The following SARDH variants were observed in gnomAD, a reference collection of about 807,000 sequenced individuals.
SARDH encodes the protein sarcosine dehydrogenase, mitochondrial.
Under a neutral mutation model 109.1 loss-of-function variants are expected in SARDH, and 95 were observed. The ratio of observed to expected loss-of-function variants is 0.87; its 90% CI spans 0.74 to 1.03. The LOEUF (loss-of-function observed/expected upper bound fraction) is 1.03. SARDH is among the 50% of genes least tolerant of loss of function. SARDH has a pLI of 0.00. For synonymous variants in SARDH, 572 were observed against 534.8 expected, an observed-to-expected ratio of 1.07 and a Z score of -0.96; for missense variants, 1,267 against 1,287.8, an observed-to-expected ratio of 0.98 and a Z score of 0.25.
At chr9:133,700,916 G>GA (rs1831461232) in intron 13 of SARDH, among the ~76,000 whole-genome samples, 1 of 152,096 alleles carries the variant, frequency 6.6e-6, no homozygotes, top group African/African-American at 2.4e-5. Flanking sequence ...GTTGTTACAG[G>GA]AAAAAAATAA....
intron 16 of SARDH, among the ~76,000 whole-genome samples, chr9:133,685,974 T>C (rs189773184): frequency 1.3e-5 from 2 of 152,042 alleles, no homozygotes; most frequent in East Asian, 3.9e-4. Context: ...TTGGAGGAGG[T>C]AGAGAGCTGG....
In SARDH at chr9:133,718,061, A is replaced by T. The variant is rs1832192151; in HGVS notation, c.1021-606T>A. Among the ~76,000 whole-genome samples the T allele has an allele frequency of 6.6e-6, 1 of 151,962 alleles. No homozygotes were observed. Among genetic ancestry groups the T allele is most frequent in the Non-Finnish European group, 1.5e-5 (1 of 67,988 alleles). On this transcript the variant is annotated intron_variant, in intron 7 of 20. Transcript: ENST00000439388. The surrounding 1 kb of genome is among the most constrained non-coding windows in gnomAD (Gnocchi z 4.2). ...GTGCGCGATCATCTTCCAGAATTTC[A>T]TTCCTTGTTCATTTGTTTGTTTGTT...
rs1320648659 is a variant in SARDH, at chr9:133,690,380, C to T, written c.2069G>A (p.Ser690Asn). ...LGMISIQGPA[S>N]RAILQEVLDA... ...GGGCGGGCTCCCAGTCCTCTCTCAC[C>T]TGGCTGGGCCCTGGATACTGATCAT... Residue 690 changes from serine to asparagine, a missense_variant and splice_region_variant, in exon 16 of 21, where the codon AGC becomes AAC. Physicochemically the swap from Ser to Asn is conservative, Grantham distance 46. Coordinates refer to ENST00000439388, the MANE Select transcript of SARDH (RefSeq NM_001134707.2). 18 of 1,608,466 alleles carry T rather than the reference C, an allele frequency of 1.1e-5. No homozygotes were observed. The highest frequency in any genetic ancestry group is 1.3e-5 in the African/African-American group (1 of 74,984).
chr9:133,679,679 C>A (rs1231715636), intron 17 of SARDH, among the ~76,000 whole-genome samples: 1 of 152,256 alleles, frequency 6.6e-6, no homozygotes. Flanking sequence ...GCTGAGCGGA[C>A]AATAACTTCT....
intron 8 of SARDH, among the ~76,000 whole-genome samples, chr9:133,713,377 G>T (rs1832002957): frequency 6.6e-6 from 1 of 152,164 alleles, no homozygotes; most frequent in Non-Finnish European, 1.5e-5. Context: ...CTGCCTGGTG[G>T]GGTCCCGCTG....
intron 11 of SARDH, among the ~76,000 whole-genome samples, chr9:133,705,730 G>T (rs1831671361): frequency 6.6e-6 from 1 of 152,192 alleles, no homozygotes; most frequent in South Asian, 2.1e-4. Flanking sequence ...ATTACCATCT[G>T]CTATGGACGG....
intron 4 of SARDH, among the ~76,000 whole-genome samples, chr9:133,730,697 G>T (rs935148552): frequency 6.6e-6 from 1 of 152,014 alleles, no homozygotes; most frequent in African/African-American, 2.4e-5. Flanking sequence ...TGTTCTACAG[G>T]CCGGGGGTGG....
chr9:133,707,487 G>A (rs1831734270), intron 11 of SARDH, among the ~76,000 whole-genome samples: 1 of 152,210 alleles, frequency 6.6e-6, no homozygotes, highest in Admixed American at 6.5e-5. Context: ...AGGAGGTACA[G>A]CTAATACCAG....
intron 8 of SARDH, among the ~76,000 whole-genome samples, chr9:133,714,656 T>A (rs1259799763): frequency 6.6e-6 from 1 of 152,150 alleles, no homozygotes; most frequent in Admixed American, 6.5e-5. Flanking sequence ...GGAGCGAGCC[T>A]GTAGTTCCAG....
rs568020275 is a variant in SARDH, at chr9:133,738,275, C to G, written c.-52G>C. 1 of 152,522 alleles carries G rather than the reference C, an allele frequency of 6.6e-6. No homozygotes were observed. The highest frequency in any genetic ancestry group is 2.1e-4 in the South Asian group (1 of 4,832). 9.4% of individuals were successfully genotyped at this position (152,522 alleles called of 1,614,324 possible). The stretch of plus-strand genomic sequence containing the variant: ...GTACCTCTTGTCAGCTGCAGTGCCC[C>G]TCGGCCCTAAGAGTGCTTGGCCCAG... On this transcript the variant is annotated 5_prime_UTR_variant, in exon 1 of 21. Transcript: ENST00000439388.
intron 12 of SARDH, among the ~76,000 whole-genome samples, chr9:133,703,953 C>G (rs1264800558): frequency 6.6e-6 from 1 of 152,118 alleles, no homozygotes; most frequent in Non-Finnish European, 1.5e-5. Flanking sequence ...CATCTTGGGA[C>G]CTGGGGTGTG....
In SARDH at chr9:133,690,426, C is replaced by A; in HGVS notation, c.2023G>T (p.Asp675Tyr). The A allele has an allele frequency of 6.2e-7, 1 of 1,613,290 alleles. No individual in the cohort carries two copies. Among genetic ancestry groups the A allele is most frequent in the Non-Finnish European group, 8.5e-7 (1 of 1,179,924 alleles). Residue 675 changes from aspartate (D) to tyrosine (Y), a missense_variant, in exon 16 of 21, where the codon GAC becomes TAC. By Grantham distance (160) the Asp-to-Tyr change is radical. Transcript: ENST00000439388. ...ATCATACCCAGGTCCTCGGAGCTGT[C>A]GATGAGCTGGCACTGGGACTTCTGG... ...QDQKSQCQLI[D>Y]SSEDLGMISI...
intron 6 of SARDH, among the ~76,000 whole-genome samples, chr9:133,719,780 C>T (rs1832259991): frequency 6.6e-6 from 1 of 152,132 alleles, no homozygotes; most frequent in African/African-American, 2.4e-5. Flanking sequence ...TCCTCCCCTC[C>T]AAGCCTCCAA....
downstream of SARDH, among the ~76,000 whole-genome samples, chr9:133,663,138 C>T (rs1338943376): frequency 1.3e-5 from 2 of 152,234 alleles, no homozygotes; most frequent in African/African-American, 4.8e-5. Flanking sequence ...TCTTACCCAG[C>T]AGCACGTCCC....
At chr9:133,717,649 C>A (rs1361060748) in intron 7 of SARDH, among the ~76,000 whole-genome samples, 194 bp from the exon 8 acceptor site, 1 of 151,820 alleles carries the variant, frequency 6.6e-6, no homozygotes, top group Non-Finnish European at 1.5e-5. Context: ...TGTCTGCTCC[C>A]CCTCCCCACC....
chr9:133,732,333 C>CA (rs1588458792), intron 3 of SARDH, 90 bp downstream of exon 3: 1 of 1,080,270 alleles, frequency 9.3e-7, no homozygotes, highest in East Asian at 3.6e-5. Flanking sequence ...CCTACCCCCC[C>CA]ACAGGGGGTG....
intron 8 of SARDH, among the ~76,000 whole-genome samples, chr9:133,715,387 G>A (rs765680612): frequency 3.5e-4 from 54 of 152,150 alleles, no homozygotes; most frequent in Non-Finnish European, 6.3e-4. Flanking sequence ...GGATTCTTCC[G>A]GGCCTGTGTT....
At chr9:133,727,684 C>A (rs944708018) in intron 6 of SARDH, among the ~76,000 whole-genome samples, 6 of 151,846 alleles carry the variant, frequency 4.0e-5, no homozygotes, top group Admixed American at 1.3e-4. Context: ...CCTACCAGGT[C>A]TCAGAGCTGC....
chr9:133,729,097 A>G (rs1158950788), intron 6 of SARDH, among the ~76,000 whole-genome samples: 1 of 151,976 alleles, frequency 6.6e-6, no homozygotes, highest in Non-Finnish European at 1.5e-5. Flanking sequence ...AGGCATGGAT[A>G]GATACGGGAG....
Sources: allele counts gnomAD v4.1 joint callset (sites outside exome capture counted in the v4.1 genomes callset), GRCh38; gene constraint gnomAD v4.1.1; non-coding constraint Gnocchi (gnomAD v3.1); transcripts MANE v1.5; gene names NCBI Gene and HGNC (gene_info 2026-07-23, HGNC 2026-07-21).